TMCO4: variants seen among roughly 807,000 people sequenced by gnomAD.
TMCO4 encodes the protein transmembrane and coiled-coil domains 4.
Under a neutral mutation model 64.7 loss-of-function variants are expected in TMCO4, and 58 were observed. That is an observed-to-expected ratio of 0.90 (90% CI 0.73 to 1.12). TMCO4 has a LOEUF of 1.12. Ranked by LOEUF, TMCO4 falls within the 50% of genes most tolerant of loss-of-function variation. The pLI, the probability that TMCO4 is intolerant of heterozygous loss-of-function variation, is 0.00. For synonymous variants in TMCO4, 325 were observed against 346.1 expected (o/e 0.94, Z 0.68); for missense variants, 780 against 825.9 (o/e 0.94, Z 0.68).
Position 19,737,189 on chromosome 1 carries a change from T to C in TMCO4, c.1264+183A>G, listed in dbSNP as rs140814322. On this transcript the variant is annotated intron_variant, in intron 13 of 15. Transcript: ENST00000294543. Reference sequence around the variant, plus strand: ...TTGCATCTACTCTAATGTATGTATATAAAATCATTTCCCCAAGGTTGATGA... The same window carrying C: ...TTGCATCTACTCTAATGTATGTATACAAAATCATTTCCCCAAGGTTGATGA... Among the ~76,000 whole-genome samples, 41 of 152,378 alleles carry C rather than the reference T, an allele frequency of 2.7e-4. No individual in the cohort carries two copies. The East Asian group carries it at 7.9e-3, about 29-fold the overall frequency.
chr1:19,697,425 T>C (rs1362965490), intron 14 of TMCO4, among the ~76,000 whole-genome samples: 1 of 135,346 alleles, frequency 7.4e-6, no homozygotes, highest in African/African-American at 2.8e-5. Flanking sequence ...GCCTGGCTAA[T>C]TTTTGTATTT....
At chr1:19,714,437 G>A (rs1478298416) in intron 13 of TMCO4, among the ~76,000 whole-genome samples, 2 of 151,966 alleles carry the variant, frequency 1.3e-5, no homozygotes, top group East Asian at 3.8e-4. Flanking sequence ...ATACTTAGCG[G>A]GTGGGGAGGG....
At chr1:19,691,026 A>ATG (rs2095189541) in intron 15 of TMCO4, among the ~76,000 whole-genome samples, 2 of 151,700 alleles carry the variant, frequency 1.3e-5, no homozygotes, top group East Asian at 3.9e-4. Context: ...CCACCGCCAC[A>ATG]CCTGGCTAAT....
chr1:19,778,753 CA>C (rs2043324370), intron 4 of TMCO4, among the ~76,000 whole-genome samples: 1 of 152,224 alleles, frequency 6.6e-6, no homozygotes, highest in Non-Finnish European at 1.5e-5. Context: ...TCCTTGTTGA[CA>C]AAGCCAGCAT....
Position 19,755,528 on chromosome 1 carries a change from C to T in TMCO4, c.515+106G>A, listed in dbSNP as rs1466101427. On this transcript the variant is annotated intron_variant, in intron 7 of 15. Coordinates refer to ENST00000294543, the MANE Select transcript of TMCO4 (RefSeq NM_181719.7). ...CTGGGACTCTGTCCAGGGCTCCTTC[C>T]ACCTCACTACACCATCTCTTAAAGG... 14 of 1,495,756 alleles carry T rather than the reference C, an allele frequency of 9.4e-6. No homozygotes were observed. In the Admixed American group the frequency reaches 2.0e-4, roughly 21 times the overall value. 92.7% of individuals were successfully genotyped at this position (1,495,756 alleles called of 1,614,324 possible).
At chr1:19,689,773 C>T (rs2095177503) in intron 15 of TMCO4, among the ~76,000 whole-genome samples, 2 of 152,220 alleles carry the variant, frequency 1.3e-5, no homozygotes, top group African/African-American at 2.4e-5. Flanking sequence ...GCACAAAGTC[C>T]CTGCTCCCTT....
At chr1:19,700,150 A>G (rs944284348) in intron 14 of TMCO4, among the ~76,000 whole-genome samples, 1 of 151,850 alleles carries the variant, frequency 6.6e-6, no homozygotes, top group African/African-American at 2.4e-5. Context: ...TTTGGCTGAA[A>G]CCCCGCAGGT....
intron 6 of TMCO4, among the ~76,000 whole-genome samples, chr1:19,765,763 C>A (rs1006080977): frequency 6.6e-6 from 1 of 152,012 alleles, no homozygotes; most frequent in African/African-American, 2.4e-5. Flanking sequence ...TGGCACCGTT[C>A]GGTGACTAAC....
intron 13 of TMCO4, among the ~76,000 whole-genome samples, chr1:19,710,949 A>T (rs1325027897): frequency 1.3e-5 from 2 of 151,162 alleles, no homozygotes; most frequent in Non-Finnish European, 2.9e-5. Flanking sequence ...ACTGCTATGA[A>T]AAAGAACAGG....
At chr1:19,749,386 G>A (rs1380148147) in intron 7 of TMCO4, among the ~76,000 whole-genome samples, 1 of 147,776 alleles carries the variant, frequency 6.8e-6, no homozygotes, top group Admixed American at 6.8e-5. Flanking sequence ...TTCTTTTTTT[G>A]AGACAAGGCC....
At chr1:19,736,665 C>T (rs1281947724) in intron 13 of TMCO4, among the ~76,000 whole-genome samples, 2 of 152,164 alleles carry the variant, frequency 1.3e-5, no homozygotes, top group African/African-American at 4.8e-5. Flanking sequence ...CCCTGGAGAC[C>T]TCACCTACCC....
intron 3 of TMCO4, among the ~76,000 whole-genome samples, chr1:19,785,514 G>A (rs2043694062): frequency 6.6e-6 from 1 of 152,222 alleles, no homozygotes; most frequent in Non-Finnish European, 1.5e-5. Flanking sequence ...CTGGATGAAT[G>A]AAGAAGGGGC....
chr1:19,684,174 C>T (rs1056844702), intron 15 of TMCO4, among the ~76,000 whole-genome samples: 3 of 148,976 alleles, frequency 2.0e-5, no homozygotes, highest in Non-Finnish European at 3.0e-5. Context: ...TCTCTCTCGT[C>T]CAGGCTGGAG....
intron 6 of TMCO4, among the ~76,000 whole-genome samples, chr1:19,761,636 A>G (rs1173990859): frequency 6.6e-6 from 1 of 152,244 alleles, no homozygotes; most frequent in African/African-American, 2.4e-5. Context: ...TGGTTCTTAG[A>G]GTTTAGGGAA....
rs773897636 is a variant in TMCO4 at position 19,694,494 on chromosome 1, G to A, written c.1440C>T (p.Ala480=). 43 of 1,613,970 alleles carry A rather than the reference G, an allele frequency of 2.7e-5. No homozygotes were observed. The highest frequency in any genetic ancestry group is 3.3e-4 in the Middle Eastern group (2 of 6,084). The part of the protein sequence containing the change: ...YRTSSVQLRV[A]GLQPVLLQDR... ...CCTGCAGCAGCACGGGCTGTAGGCC[G>A]GCGACACGGAGCTGCACCGAGGATG... The change falls in exon 15 of 16, where the codon GCC becomes GCT. Residue 480 remains alanine (A), a synonymous_variant. Coordinates refer to ENST00000294543, the MANE Select transcript of TMCO4 (RefSeq NM_181719.7).
At chr1:19,735,994 G>A (rs1043624432) in intron 13 of TMCO4, among the ~76,000 whole-genome samples, 4 of 152,148 alleles carry the variant, frequency 2.6e-5, no homozygotes, top group African/African-American at 7.2e-5. Flanking sequence ...CCAGATACAC[G>A]AATGAGGTCA....
chr1:19,757,952 T>C (rs1367823832), intron 6 of TMCO4, among the ~76,000 whole-genome samples: 1 of 152,206 alleles, frequency 6.6e-6, no homozygotes, highest in Non-Finnish European at 1.5e-5. Flanking sequence ...CGCACTCACC[T>C]TCCCTGTGTG....
At chr1:19,685,710 C>CTTTTT (rs55783904) in intron 15 of TMCO4, among the ~76,000 whole-genome samples, 1,963 of 106,424 alleles carry the variant, frequency 0.018, 195 homozygotes, top group Middle Eastern at 0.043. Flanking sequence ...AGGCCTGTTT[C>CTTTTT]TTTTTTTTTT....
intron 13 of TMCO4, among the ~76,000 whole-genome samples, chr1:19,707,242 G>T (rs2100657061): frequency 6.6e-6 from 1 of 152,298 alleles, no homozygotes; most frequent in African/African-American, 2.4e-5. Context: ...TTGGGTCATG[G>T]GGGTGGATCC....
Sources: allele counts gnomAD v4.1 joint callset (sites outside exome capture counted in the v4.1 genomes callset), GRCh38; gene constraint gnomAD v4.1.1; transcripts MANE v1.5; gene names NCBI Gene and HGNC (gene_info 2026-07-23, HGNC 2026-07-21).